The following C10orf143 variants were observed in gnomAD, a reference collection of about 807,000 sequenced individuals.
C10orf143 encodes chromosome 10 open reading frame 143, also known as uncharacterized protein C10orf143.
intron 3 of C10orf143, among the ~76,000 whole-genome samples, chr10:130,058,458 G>A (rs1045928058): frequency 1.3e-5 from 2 of 152,052 alleles, no homozygotes; most frequent in Non-Finnish European, 2.9e-5. Context: ...GGAAGGATGG[G>A]CTTCCTGAGG....
intron 1 of C10orf143, among the ~76,000 whole-genome samples, chr10:130,084,717 T>C (rs1249071630): frequency 6.6e-6 from 1 of 152,126 alleles, no homozygotes; most frequent in African/African-American, 2.4e-5. Context: ...GACAGTGGCA[T>C]CCTAGTAGCA....
intron 1 of C10orf143, among the ~76,000 whole-genome samples, chr10:130,081,454 C>T (rs1241910511): frequency 6.6e-6 from 1 of 152,150 alleles, no homozygotes; most frequent in Non-Finnish European, 1.5e-5. Flanking sequence ...ATTTAAACAA[C>T]ATAATCAACC....
At chr10:130,084,085 C>A (rs1590024047) in intron 1 of C10orf143, among the ~76,000 whole-genome samples, 1 of 151,976 alleles carries the variant, frequency 6.6e-6, no homozygotes, top group African/African-American at 2.4e-5. Context: ...CCAAGGTGGG[C>A]AGATCACAAG....
chr10:130,087,042 G>A lies in C10orf143; in HGVS notation c.70-7141C>T, dbSNP rs192537759. ...ACTCTGCCACCAAGGCGAGCAGAGT[G>A]TGGGTTCTAGTAGGGAATGTGAGGA... On this transcript the variant is annotated intron_variant, in intron 1 of 3. Transcript: ENST00000637128. 2.3e-3 allele frequency among the ~76,000 whole-genome samples: 350 copies of A among 152,338 alleles called. 3 individuals carry two copies. Among genetic ancestry groups the A allele is most frequent in the African/African-American group, 7.9e-3 (327 of 41,576 alleles).
intron 1 of C10orf143, among the ~76,000 whole-genome samples, chr10:130,096,264 C>A (rs986410553): frequency 1.3e-5 from 2 of 151,870 alleles, no homozygotes; most frequent in East Asian, 3.9e-4. Flanking sequence ...CCAGTTAGAA[C>A]GGTGATCATT....
chr10:130,106,421 A>C, intron 1 of C10orf143: 2 of 1,602,812 alleles, frequency 1.2e-6, no homozygotes, highest in Non-Finnish European at 1.7e-6. Context: ...AGAAGCACGA[A>C]GTTTGGAGGC....
chr10:130,092,722 T>A (rs1017524653), intron 1 of C10orf143, among the ~76,000 whole-genome samples: 4 of 151,988 alleles, frequency 2.6e-5, no homozygotes, highest in Non-Finnish European at 4.4e-5. Context: ...GATGGAGGAA[T>A]ATTTACCAAG....
chr10:130,052,577 G>T (rs963558483), intron 3 of C10orf143, among the ~76,000 whole-genome samples: 1 of 152,182 alleles, frequency 6.6e-6, no homozygotes, highest in Non-Finnish European at 1.5e-5. Context: ...GGACACTTGA[G>T]GTTACACAGC....
At chr10:130,079,038 T>C (rs774388601) in intron 3 of C10orf143, among the ~76,000 whole-genome samples, 1 of 152,168 alleles carries the variant, frequency 6.6e-6, no homozygotes. Context: ...TGCTAATATA[T>C]ACTTTATGAT....
intron 1 of C10orf143, among the ~76,000 whole-genome samples, chr10:130,085,170 A>G (rs1450262725): frequency 6.6e-6 from 1 of 152,242 alleles, no homozygotes; most frequent in African/African-American, 2.4e-5. Flanking sequence ...AAGATCTAAT[A>G]ATAGATGCTA....
downstream of C10orf143, among the ~76,000 whole-genome samples, chr10:130,062,882 C>T (rs943971900): frequency 1.9e-4 from 29 of 152,140 alleles, no homozygotes; most frequent in Non-Finnish European, 1.2e-4. Context: ...GAACCGAAGG[C>T]CTGCTTTGGG....
rs1196148314 is a variant in C10orf143, at chr10:130,063,981, C to T, written c.*373G>A. On this transcript the variant is annotated 3_prime_UTR_variant, in exon 4 of 4. Coordinates refer to ENST00000637128, the MANE Select transcript of C10orf143 (RefSeq NM_001355042.2). ...ACAAAACAACGAAAAAGCATGATGG[C>T]GGGGCTGCGTCTGGGTGGGCCTCCA... The T allele has an allele frequency of 1.1e-5, 2 of 187,238 alleles. No individual in the cohort carries two copies. Among genetic ancestry groups the T allele is most frequent in the Non-Finnish European group, 2.2e-5 (2 of 91,562 alleles). 11.6% of individuals were successfully genotyped at this position (187,238 alleles called of 1,614,324 possible).
rs576896226 is a variant in C10orf143, at chr10:130,109,086, C to T, written c.69+1618G>A. On this transcript the variant is annotated intron_variant, in intron 1 of 3. Coordinates refer to ENST00000637128, the MANE Select transcript of C10orf143 (RefSeq NM_001355042.2). ...CCATCAGTGAGACTGTCTGCTCTCCCTCTACACAGTCACGTCTCTCTAGTG... is the reference window on the plus strand; with the variant it reads ...CCATCAGTGAGACTGTCTGCTCTCCTTCTACACAGTCACGTCTCTCTAGTG... 2.2e-4 allele frequency among the ~76,000 whole-genome samples: 33 copies of T among 152,136 alleles called. No homozygotes were observed. In the South Asian group the frequency reaches 6.9e-3, roughly 32 times the overall value.
chr10:130,109,979 T>C (rs1201021487), intron 1 of C10orf143, among the ~76,000 whole-genome samples: 1 of 152,118 alleles, frequency 6.6e-6, no homozygotes, highest in Non-Finnish European at 1.5e-5. Flanking sequence ...AATACAGGAA[T>C]GCCAAGCAGC....
Position 130,106,504 on chromosome 10 carries a change from A to G in C10orf143, c.69+4200T>C, listed in dbSNP as rs549114830. ...TTCTCTGTCTAGAAAAAGAGTTAAA[A>G]GAAGAGAAATCTAAACATTCGCAAC... On this transcript the variant is annotated intron_variant, in intron 1 of 3. Transcript: ENST00000637128. 88 of 1,601,450 alleles carry G rather than the reference A, an allele frequency of 5.5e-5. 1 individual carries two copies. The South Asian group carries it at 9.7e-4, about 18-fold the overall frequency.
chr10:130,074,263 T>C (rs563264884), intron 3 of C10orf143, among the ~76,000 whole-genome samples: 1 of 152,290 alleles, frequency 6.6e-6, no homozygotes, highest in Admixed American at 6.5e-5. Context: ...GACCTCACTT[T>C]CCTTATCTGT....
At chr10:130,095,365 G>A (rs1861446099) in intron 1 of C10orf143, among the ~76,000 whole-genome samples, 1 of 152,162 alleles carries the variant, frequency 6.6e-6, no homozygotes, top group Non-Finnish European at 1.5e-5. Flanking sequence ...TGGCCATACT[G>A]CCCAAAGTAA....
At chr10:130,107,331 A>G (rs953170980) in intron 1 of C10orf143, 1 of 1,058,402 alleles carries the variant, frequency 9.4e-7, no homozygotes, top group East Asian at 2.4e-5. Flanking sequence ...CTGGAGACCT[A>G]CAGACAGCGA....
chr10:130,075,543 G>C (rs1283769521), intron 3 of C10orf143, among the ~76,000 whole-genome samples: 1 of 152,328 alleles, frequency 6.6e-6, no homozygotes, highest in South Asian at 2.1e-4. Context: ...TTCAAACAGA[G>C]GGACTGTAAC....
Sources: gnomAD v4.1 joint callset for allele counts (sites outside exome capture counted in the v4.1 genomes callset) on GRCh38, gnomAD v4.1.1 for gene constraint, MANE v1.5 for transcripts, NCBI Gene and HGNC (gene_info 2026-07-23, HGNC 2026-07-21) for gene names.